LINGO2: variants seen among roughly 807,000 people sequenced by gnomAD.
The protein encoded by LINGO2 is leucine rich repeat and Ig domain containing 2, also known as leucine-rich repeat and immunoglobulin-like domain-containing nogo receptor-interacting protein 2.
LINGO2 carries 14 observed loss-of-function variants against 30.6 expected under a neutral mutation model. The observed-to-expected ratio is 0.46, with a 90% CI of 0.30 to 0.72. The LOEUF is 0.72. Ranked by LOEUF, LINGO2 falls within the 30% of genes least tolerant of loss-of-function variation. The probability of loss-of-function intolerance (pLI) is 0.07; values close to 1 mark genes in which losing one functional copy is unlikely to be tolerated. For missense variants in LINGO2, 729 were observed against 751.7 expected (o/e 0.97, Z 0.35); for synonymous variants, 317 against 288.5 (o/e 1.10, Z -1.00).
chr9:27,968,623 G>A lies in LINGO2; in HGVS notation c.-35-17917C>T, dbSNP rs140646515. Among the ~76,000 whole-genome samples the A allele has an allele frequency of 6.4e-3, 975 of 151,770 alleles. 6 individuals are homozygous for A. The highest frequency in any genetic ancestry group is 9.2e-3 in the Non-Finnish European group (622 of 67,812). On this transcript the variant is annotated intron_variant, in intron 5 of 5. Coordinates refer to ENST00000379992, the Ensembl canonical transcript of LINGO2. ...TTTTTATTTAAAAAATGTTTTCAAT[G>A]CGCATTGTATTGCACTGATTTTGAG...
At chr9:28,855,074 A>G in the LINGO2 span, among the ~76,000 whole-genome samples, 537 of 152,090 alleles carry the variant, frequency 3.5e-3, 6 homozygotes, top group African/African-American at 0.012. Context: ...AAGTCCTGGG[A>G]CCAAATATAT....
At chr9:28,350,041 A>C (rs1162216328) in intron 3 of LINGO2, among the ~76,000 whole-genome samples, 3 of 151,966 alleles carry the variant, frequency 2.0e-5, no homozygotes, top group Non-Finnish European at 1.5e-5. Flanking sequence ...GCCGCTGCAA[A>C]ATCATGCCAA....
At chr9:29,009,767 T>C in the LINGO2 span, among the ~76,000 whole-genome samples, 2 of 152,192 alleles carry the variant, frequency 1.3e-5, no homozygotes, top group South Asian at 2.1e-4. Flanking sequence ...TCATGCTACC[T>C]GACTTCAAAC....
intron 3 of LINGO2, among the ~76,000 whole-genome samples, chr9:28,365,930 T>C (rs1336592545): frequency 6.6e-6 from 1 of 152,128 alleles, no homozygotes; most frequent in Non-Finnish European, 1.5e-5. Flanking sequence ...ATGGAGTTCA[T>C]AGTAAAGCAA....
chr9:28,937,216 C>A, the LINGO2 span, among the ~76,000 whole-genome samples: 1 of 151,938 alleles, frequency 6.6e-6, no homozygotes, highest in Admixed American at 6.6e-5. Context: ...GTCTTAAAAG[C>A]CTTAACCCAT....
intron 2 of LINGO2, among the ~76,000 whole-genome samples, chr9:28,455,855 C>T (rs1288166617): frequency 6.6e-6 from 1 of 152,072 alleles, no homozygotes; most frequent in Non-Finnish European, 1.5e-5. Flanking sequence ...AGTTCTTCAC[C>T]TACACCATGG....
intron 4 of LINGO2, among the ~76,000 whole-genome samples, chr9:28,198,207 T>C (rs527516508): frequency 4.0e-5 from 6 of 151,532 alleles, no homozygotes; most frequent in Non-Finnish European, 7.4e-5. Flanking sequence ...AGTTACAATG[T>C]TTTATTAAAA....
chr9:28,732,064 T>C, the LINGO2 span, among the ~76,000 whole-genome samples: 10 of 152,122 alleles, frequency 6.6e-5, no homozygotes, highest in African/African-American at 2.2e-4. Context: ...TCCGGGATTC[T>C]AGAAGGATTT....
chr9:29,164,865 T>A, the LINGO2 span, among the ~76,000 whole-genome samples: 5 of 152,144 alleles, frequency 3.3e-5, no homozygotes, highest in African/African-American at 9.6e-5. Context: ...AGTTAACTCA[T>A]TTATTCACTG....
the LINGO2 span, among the ~76,000 whole-genome samples, chr9:28,987,157 G>C: frequency 6.7e-6 from 1 of 148,744 alleles, no homozygotes; most frequent in Admixed American, 6.8e-5. Context: ...GCATTCAGCA[G>C]TGAAGCCTTC....
chr9:28,397,971 G>A lies in LINGO2; in HGVS notation c.-278-25103C>T, dbSNP rs910676002. On this transcript the variant is annotated intron_variant, in intron 2 of 5. Coordinates refer to ENST00000379992, the Ensembl canonical transcript of LINGO2. ...TGCTATTACACATGTACTCCAATAG[G>A]CTTTAATAAATGTCATTTACGTTCA... 1.3e-5 allele frequency among the ~76,000 whole-genome samples: 2 copies of A among 152,078 alleles called. 1 individual carries two copies. Among genetic ancestry groups the A allele is most frequent in the Non-Finnish European group, 2.9e-5 (2 of 68,006 alleles).
rs1215567860 is a variant in LINGO2 at position 28,068,611 on chromosome 9, T to C, written c.-86-56206A>G. On this transcript the variant is annotated intron_variant, in intron 4 of 5. Transcript: ENST00000379992. The stretch of plus-strand genomic sequence containing the variant: ...ACTTAGTAGTAATAACTTTTACTCA[T>C]TTAGCAGTGAACAAAGTAGTTTTTC... Among the ~76,000 whole-genome samples the C allele has an allele frequency of 3.9e-5, 6 of 152,192 alleles. No individual in the cohort carries two copies. The East Asian group carries it at 1.2e-3, about 29-fold the overall frequency.
intron 2 of LINGO2, among the ~76,000 whole-genome samples, chr9:28,465,890 C>T (rs1403986521): frequency 6.6e-6 from 1 of 152,014 alleles, no homozygotes; most frequent in Non-Finnish European, 1.5e-5. Flanking sequence ...CAGAGGAATA[C>T]AAATCAAAAC....
the LINGO2 span, among the ~76,000 whole-genome samples, chr9:28,754,843 G>T: frequency 6.6e-6 from 1 of 151,838 alleles, no homozygotes; most frequent in Non-Finnish European, 1.5e-5. Context: ...GTGTTAGCCA[G>T]GATGGTCTTG....
At chr9:28,656,132 G>A (rs1828327276) in intron 1 of LINGO2, among the ~76,000 whole-genome samples, 1 of 151,988 alleles carries the variant, frequency 6.6e-6, no homozygotes, top group Admixed American at 6.6e-5. Context: ...CCTTCATGCT[G>A]AAGACAACCT....
At chr9:28,860,814 A>T in the LINGO2 span, among the ~76,000 whole-genome samples, 1 of 149,058 alleles carries the variant, frequency 6.7e-6, no homozygotes, top group Non-Finnish European at 1.5e-5. Context: ...ACTGTCACTT[A>T]GTTGTACAAA....
At chr9:28,736,942 A>T in the LINGO2 span, among the ~76,000 whole-genome samples, 478 of 152,242 alleles carry the variant, frequency 3.1e-3, 2 homozygotes, top group African/African-American at 0.011. Context: ...CTTGTGGTAA[A>T]TTGCTATAAA....
At chr9:28,244,421 A>G (rs1305297219) in intron 4 of LINGO2, among the ~76,000 whole-genome samples, 1 of 152,104 alleles carries the variant, frequency 6.6e-6, no homozygotes, top group Non-Finnish European at 1.5e-5. Context: ...CAAAGACATC[A>G]AAAAGCTAGC....
At chr9:29,159,454 A>C in the LINGO2 span, among the ~76,000 whole-genome samples, 17 of 152,228 alleles carry the variant, frequency 1.1e-4, no homozygotes, top group Non-Finnish European at 1.9e-4. Context: ...TTAAGAAGTT[A>C]TACAAGTTTC....
Sources: allele counts gnomAD v4.1 joint callset (sites outside exome capture counted in the v4.1 genomes callset), GRCh38; gene constraint gnomAD v4.1.1; transcripts MANE v1.5; gene names NCBI Gene and HGNC (gene_info 2026-07-23, HGNC 2026-07-21).